The following SUCLG1 variants were observed in gnomAD, a reference collection of about 807,000 sequenced individuals.
The protein encoded by SUCLG1 is succinate--CoA ligase [ADP/GDP-forming] subunit alpha, mitochondrial.
A neutral mutation model predicts 37.3 loss-of-function variants in SUCLG1; 26 were observed. The ratio of observed to expected loss-of-function variants is 0.70; its 90% CI spans 0.51 to 0.97. The LOEUF is 0.97. Ranked by LOEUF, SUCLG1 falls within the 50% of genes least tolerant of loss-of-function variation. The pLI, the probability that SUCLG1 is intolerant of heterozygous loss-of-function variation, is 0.00. For missense variants in SUCLG1, 433 were observed against 432.9 expected (o/e 1.00, Z 0.00); for synonymous variants, 163 against 155.6 (o/e 1.05, Z -0.36).
At chr2:84,446,724 G>A (rs908216391) in intron 2 of SUCLG1, among the ~76,000 whole-genome samples, 1 of 149,894 alleles carries the variant, frequency 6.7e-6, no homozygotes, top group African/African-American at 2.5e-5. Context: ...AGAGAGGGAG[G>A]GGGAAAATCT....
intron 1 of SUCLG1, among the ~76,000 whole-genome samples, chr2:84,450,126 A>G (rs1672918680): frequency 6.6e-6 from 1 of 152,184 alleles, no homozygotes; most frequent in African/African-American, 2.4e-5. Flanking sequence ...CCCTATTAAC[A>G]ATGTTTACTA....
In SUCLG1 at chr2:84,440,552, C is replaced by G. The variant is rs976026062; in HGVS notation, c.589+495G>C. On this transcript the variant is annotated intron_variant, in intron 5 of 8. Transcript: ENST00000393868. Reference sequence around the variant, plus strand: ...ATGAACATGACTTAGCAATTCCATTCCTACACATTTTGCCCAAGAGAAACG... The same window carrying G: ...ATGAACATGACTTAGCAATTCCATTGCTACACATTTTGCCCAAGAGAAACG... Among the ~76,000 whole-genome samples the G allele has an allele frequency of 4.6e-5, 7 of 152,172 alleles. No individual in the cohort carries two copies. The East Asian group carries it at 7.7e-4, about 17-fold the overall frequency.
chr2:84,425,717 C>T (rs1672527645), intron 7 of SUCLG1, 114 bp from the exon 8 acceptor site: 3 of 1,172,248 alleles, frequency 2.6e-6, no homozygotes, highest in South Asian at 2.5e-5. Flanking sequence ...GAAAGCCCAC[C>T]ATTCATCTTA....
At chr2:84,433,137 G>A (rs1321426763) in intron 6 of SUCLG1, 3 of 606,154 alleles carry the variant, frequency 4.9e-6, no homozygotes, top group Non-Finnish European at 8.8e-6. Flanking sequence ...GTTCCAAGAT[G>A]TTAGTTCTTC....
Position 84,443,764 on chromosome 2 carries a change from A to G in SUCLG1, c.202-364T>C, listed in dbSNP as rs566969421. Among the ~76,000 whole-genome samples, 8 of 151,736 alleles carry G rather than the reference A, an allele frequency of 5.3e-5. No homozygotes were observed. In the South Asian group the frequency reaches 1.3e-3, roughly 24 times the overall value. On this transcript the variant is annotated intron_variant, in intron 2 of 8. Transcript: ENST00000393868. The stretch of plus-strand genomic sequence containing the variant: ...AACTTAAATATCTGGCAAAACCACA[A>G]CCTGGGTCAAATCCAATTTTTCCCC...
At chr2:84,434,821 T>C (rs899390941) in intron 5 of SUCLG1, among the ~76,000 whole-genome samples, 2 of 152,242 alleles carry the variant, frequency 1.3e-5, no homozygotes, top group Non-Finnish European at 2.9e-5. Context: ...TACTAATGCG[T>C]ACTAAGTGTG....
At chr2:84,438,206 T>C (rs1318163644) in intron 5 of SUCLG1, among the ~76,000 whole-genome samples, 2 of 152,218 alleles carry the variant, frequency 1.3e-5, no homozygotes, top group East Asian at 3.8e-4. Context: ...ACCATTGGGC[T>C]AACTGGATAA....
intron 7 of SUCLG1, chr2:84,426,944 T>C (rs2104238573): frequency 6.5e-6 from 1 of 153,226 alleles, no homozygotes; most frequent in East Asian, 1.9e-4. Context: ...TTGATATGTA[T>C]TATATCTAAT....
Position 84,433,365 on chromosome 2 carries a change from C to A in SUCLG1, c.660G>T (p.Gln220His). 6.2e-7 allele frequency: 1 copy of A among 1,613,968 alleles called. No individual in the cohort carries two copies. The highest frequency in any genetic ancestry group is 8.5e-7 in the Non-Finnish European group (1 of 1,179,868). The stretch of plus-strand genomic sequence containing the variant: ...AAAGTCCCTCACCAACGCACAAAGA[C>A]TGCCCCAATCCAACTTGCGTTGTTT... ...VHQTTQVGLG[Q>H]SLCVGIGGDP... is the part of the protein sequence containing the mutation. The change falls in exon 6 of 9, where the codon CAG becomes CAT. Residue 220 changes from glutamine (Q) to histidine (H), a missense_variant. Gln to His is a conservative substitution (Grantham distance 24). Coordinates refer to ENST00000393868, the MANE Select transcript of SUCLG1 (RefSeq NM_003849.4).
intron 1 of SUCLG1, among the ~76,000 whole-genome samples, chr2:84,454,484 A>G (rs1672989298): frequency 6.6e-6 from 1 of 152,236 alleles, no homozygotes; most frequent in East Asian, 1.9e-4. Flanking sequence ...CCGATGCAGA[A>G]TGAGCAGACC....
At chr2:84,436,743 C>G (rs944556030) in intron 5 of SUCLG1, among the ~76,000 whole-genome samples, 19 of 152,316 alleles carry the variant, frequency 1.2e-4, no homozygotes, top group African/African-American at 4.6e-4. Context: ...TGTTCTCCTA[C>G]CACCTGGTTC....
intron 5 of SUCLG1, among the ~76,000 whole-genome samples, chr2:84,434,438 A>C (rs752044928): frequency 6.6e-6 from 1 of 152,206 alleles, no homozygotes; most frequent in Non-Finnish European, 1.5e-5. Context: ...TTAATTTCAC[A>C]TCTGGATTAG....
rs2832 is a variant in SUCLG1, at chr2:84,423,583, A to G, written c.*163T>C. On this transcript the variant is annotated 3_prime_UTR_variant, in exon 9 of 9. Coordinates refer to ENST00000393868, the MANE Select transcript of SUCLG1 (RefSeq NM_003849.4). Reference sequence around the variant, plus strand: ...CTCTGTAATACAATGTGGTGAAAACATCTTAATTCAGGACATCTTCCACCT... The same window carrying G: ...CTCTGTAATACAATGTGGTGAAAACGTCTTAATTCAGGACATCTTCCACCT... 637,025 of 710,918 alleles carry G rather than the reference A, an allele frequency of 0.9. 290,493 individuals are homozygous for G. The highest frequency in any genetic ancestry group is 0.93 in the East Asian group (34,397 of 36,820). The allele number at this position is 710,918 out of a possible 1,614,324, so 44.0% of individuals were successfully genotyped here.
intron 1 of SUCLG1, 48 bp downstream of exon 1, chr2:84,459,125 G>C (rs1280377650): frequency 6.6e-7 from 1 of 1,517,780 alleles, no homozygotes; most frequent in Non-Finnish European, 8.9e-7. Flanking sequence ...GGGTCCGGCG[G>C]GGCCAATAAC....
In SUCLG1 at chr2:84,423,786, A is replaced by C. The variant is rs750548602; in HGVS notation, c.1015-14T>G. ...CTTTTCAAATTCCTTCAGAAACAGA[A>C]GAGAGAGAGAAGAGAGATGGAATGA... is the stretch of plus-strand genomic sequence containing the variant. On this transcript the variant is annotated splice_polypyrimidine_tract_variant and intron_variant, in intron 8 of 8. Coordinates refer to ENST00000393868, the MANE Select transcript of SUCLG1 (RefSeq NM_003849.4). 40 of 1,600,296 alleles carry C rather than the reference A, an allele frequency of 2.5e-5. No individual in the cohort carries two copies. The highest frequency in any genetic ancestry group is 3.2e-5 in the Non-Finnish European group (38 of 1,171,868).
At chr2:84,450,412 GAA>G (rs79027896) in intron 1 of SUCLG1, among the ~76,000 whole-genome samples, 6 of 103,408 alleles carry the variant, frequency 5.8e-5, no homozygotes, top group Admixed American at 4.7e-4. Context: ...AGCTTGTTAG[GAA>G]AAAAAAAAAA....
At chr2:84,425,370 G>C (rs371622046) in intron 8 of SUCLG1, 45 bp downstream of exon 8, 13 of 1,611,962 alleles carry the variant, frequency 8.1e-6, no homozygotes, top group Non-Finnish European at 1.0e-5. Context: ...CACACACAGA[G>C]AAAGCCTGCA....
chr2:84,433,323 A>G, intron 6 of SUCLG1, 29 bp downstream of exon 6: 1 of 1,602,176 alleles, frequency 6.2e-7, no homozygotes, highest in Non-Finnish European at 8.6e-7. Flanking sequence ...CCACACTCCA[A>G]TAAAATGATT....
chr2:84,454,359 A>G (rs1404672289), intron 1 of SUCLG1, among the ~76,000 whole-genome samples: 3 of 152,248 alleles, frequency 2.0e-5, no homozygotes, highest in African/African-American at 7.2e-5. Context: ...GGACAATAAT[A>G]GTATCTCCTT....
Sources: allele counts gnomAD v4.1 joint callset (sites outside exome capture counted in the v4.1 genomes callset), GRCh38; gene constraint gnomAD v4.1.1; transcripts MANE v1.5; gene names NCBI Gene and HGNC (gene_info 2026-07-23, HGNC 2026-07-21).